EIF2AK2: variants seen among roughly 807,000 people sequenced by gnomAD.
EIF2AK2 encodes interferon-induced, double-stranded RNA-activated protein kinase.
EIF2AK2 carries 40 observed loss-of-function variants against 70.5 expected under a neutral mutation model. The ratio of observed to expected loss-of-function variants is 0.57; its 90% CI spans 0.44 to 0.74. EIF2AK2 has a LOEUF of 0.74. Ranked by LOEUF, EIF2AK2 falls within the 30% of genes least tolerant of loss-of-function variation. The pLI is 0.00. For synonymous variants in EIF2AK2, 198 were observed against 220.9 expected, an observed-to-expected ratio of 0.90 and a Z score of 0.92; for missense variants, 555 against 644.3, an observed-to-expected ratio of 0.86 and a Z score of 1.50.
intron 10 of EIF2AK2, among the ~76,000 whole-genome samples, chr2:37,131,898 G>A (rs1473309344): frequency 1.3e-5 from 2 of 152,122 alleles, no homozygotes; most frequent in African/African-American, 2.4e-5. Context: ...AAACACACAA[G>A]TTAATATATA....
chr2:37,121,212 A>G (rs921942282), intron 12 of EIF2AK2, among the ~76,000 whole-genome samples: 6 of 137,890 alleles, frequency 4.4e-5, no homozygotes, highest in Admixed American at 7.8e-5. Context: ...GCAGTGAGCC[A>G]AGATTGCACC....
intron 9 of EIF2AK2, among the ~76,000 whole-genome samples, chr2:37,135,964 C>A (rs4648202): frequency 0.098 from 14,954 of 151,882 alleles, 921 homozygotes; most frequent in African/African-American, 0.17. Flanking sequence ...ATATACTTAC[C>A]GTTCTCCTCT....
chr2:37,118,936 G>C (rs1039109184), intron 13 of EIF2AK2, among the ~76,000 whole-genome samples: 1 of 152,162 alleles, frequency 6.6e-6, no homozygotes, highest in Non-Finnish European at 1.5e-5. Context: ...CTTCTGCCTA[G>C]AACAGAAAAA....
intron 1 of EIF2AK2, among the ~76,000 whole-genome samples, chr2:37,155,752 C>T (rs1341257351): frequency 6.6e-6 from 1 of 152,098 alleles, no homozygotes; most frequent in East Asian, 1.9e-4. Context: ...TACAGCCTGG[C>T]CAACACGGTG....
chr2:37,147,924 T>C, intron 2 of EIF2AK2, 102 bp from the exon 3 acceptor site: 1 of 658,064 alleles, frequency 1.5e-6, no homozygotes, highest in Non-Finnish European at 2.7e-6. Context: ...GAGACTCCCC[T>C]TTATAGGACT....
rs1172287123 is a variant in EIF2AK2 at position 37,101,032 on chromosome 2, T to TCC, written c.*6239_*6240dup. ...GGAGGTAATCTTTGATGCTTACCTT[T>TCC]CCTTAATCCCCACATCCAATTAGTT... On this transcript the variant is annotated 3_prime_UTR_variant, in exon 17 of 17. Transcript: ENST00000233057. The TCC allele has an allele frequency of 1.3e-3, 196 of 152,374 alleles. No homozygotes were observed. The highest frequency in any genetic ancestry group is 2.0e-3 in the Non-Finnish European group (136 of 68,056). The allele number at this position is 152,374 out of a possible 1,614,324, so 9.4% of individuals were successfully genotyped here.
chr2:37,153,485 G>T (rs1301588538), intron 1 of EIF2AK2, among the ~76,000 whole-genome samples: 1 of 151,804 alleles, frequency 6.6e-6, no homozygotes, highest in East Asian at 1.9e-4. Context: ...GACCATAGGC[G>T]TGGGCATGCC....
intron 11 of EIF2AK2, among the ~76,000 whole-genome samples, chr2:37,123,690 A>G (rs1431604727): frequency 6.6e-6 from 1 of 152,226 alleles, no homozygotes; most frequent in East Asian, 1.9e-4. Flanking sequence ...AGTGTGAAGT[A>G]CCTAATTCAG....
intron 4 of EIF2AK2, among the ~76,000 whole-genome samples, chr2:37,145,000 T>A (rs952089390): frequency 6.6e-6 from 1 of 151,986 alleles, no homozygotes; most frequent in Non-Finnish European, 1.5e-5. Context: ...CCAACCATGA[T>A]TTAATTTTTT....
chr2:37,108,367 C>T (rs1456866892), intron 15 of EIF2AK2, among the ~76,000 whole-genome samples: 1 of 152,134 alleles, frequency 6.6e-6, no homozygotes, highest in Non-Finnish European at 1.5e-5. Context: ...ATGCTAGAAT[C>T]AACTTTTCTG....
chr2:37,153,447 C>A (rs1675817332), intron 1 of EIF2AK2, among the ~76,000 whole-genome samples: 1 of 151,200 alleles, frequency 6.6e-6, no homozygotes, highest in East Asian at 2.0e-4. Flanking sequence ...TCAAGCGATC[C>A]TCCCACCTCA....
intron 10 of EIF2AK2, among the ~76,000 whole-genome samples, chr2:37,134,689 G>GA (rs1334574371): frequency 2.0e-5 from 3 of 152,082 alleles, no homozygotes; most frequent in African/African-American, 7.2e-5. Flanking sequence ...CCATAGGAAA[G>GA]AAAAAACACC....
chr2:37,112,792 T>C (rs1179855964), intron 14 of EIF2AK2, among the ~76,000 whole-genome samples: 1 of 152,192 alleles, frequency 6.6e-6, no homozygotes, highest in African/African-American at 2.4e-5. Flanking sequence ...TTTTAACCAT[T>C]TTTATGCCTA....
chr2:37,155,122 T>C (rs767975332), intron 1 of EIF2AK2, among the ~76,000 whole-genome samples: 1 of 152,056 alleles, frequency 6.6e-6, no homozygotes, highest in South Asian at 2.1e-4. Flanking sequence ...GCTTCCACCA[T>C]GGACTCTCTC....
At chr2:37,147,021 A>G in intron 3 of EIF2AK2, 48 bp from the exon 4 acceptor site, 2 of 1,553,508 alleles carry the variant, frequency 1.3e-6, no homozygotes, top group South Asian at 2.3e-5. Context: ...CTCATGCACT[A>G]TCTAAAAACA....
rs1558429636 is a variant in EIF2AK2, at chr2:37,146,865, AT to A, written c.227del (p.Asn76IlefsTer12). 6.2e-7 allele frequency: 1 copy of A among 1,613,562 alleles called. No homozygotes were observed. The highest frequency in any genetic ancestry group is 8.5e-7 in the Non-Finnish European group (1 of 1,179,888). On this transcript the variant is annotated frameshift_variant, in exon 4 of 17. Coordinates refer to ENST00000233057, the MANE Select transcript of EIF2AK2 (RefSeq NM_001135651.3). LOFTEE classifies it high-confidence loss of function. ...AAAKLAVEIL[N>X]KEKKAVSPLL... The stretch of plus-strand genomic sequence containing the variant: ...GGCAATCACTCACCTTCTTTTCCTT[AT>A]TAAGTATCTCAACAGCTAATTTGGC...
At chr2:37,114,880 A>T (rs1674282216) in intron 13 of EIF2AK2, 21 bp from the exon 14 acceptor site, 1 of 1,477,468 alleles carries the variant, frequency 6.8e-7, no homozygotes, top group Admixed American at 2.2e-5. Flanking sequence ...AAAAAATTTA[A>T]CTTACATGTA....
chr2:37,152,012 G>A (rs1055004680), intron 1 of EIF2AK2, among the ~76,000 whole-genome samples: 1 of 152,242 alleles, frequency 6.6e-6, no homozygotes, highest in Non-Finnish European at 1.5e-5. Context: ...CTTGCAGTGA[G>A]CTGAGATCGC....
rs1488946983 is a variant in EIF2AK2 at position 37,117,226 on chromosome 2, A to T, written c.1249-2367T>A. 2.7e-5 allele frequency among the ~76,000 whole-genome samples: 4 copies of T among 150,862 alleles called. No individual in the cohort carries two copies. The South Asian group carries it at 8.3e-4, about 31-fold the overall frequency. ...GACTCTGTCTCAAAAAAAAAAAAAAAAGAAAAAAGAAAAAAAGAAAAGAAA... is the reference window on the plus strand; with the variant it reads ...GACTCTGTCTCAAAAAAAAAAAAAATAGAAAAAAGAAAAAAAGAAAAGAAA... On this transcript the variant is annotated intron_variant, in intron 13 of 16. Coordinates refer to ENST00000233057, the MANE Select transcript of EIF2AK2 (RefSeq NM_001135651.3).
Sources: gnomAD v4.1 joint callset for allele counts (sites outside exome capture counted in the v4.1 genomes callset) on GRCh38, gnomAD v4.1.1 for gene constraint, MANE v1.5 for transcripts, NCBI Gene and HGNC (gene_info 2026-07-23, HGNC 2026-07-21) for gene names.